The following RAD18 variants were observed in gnomAD, a reference collection of about 807,000 sequenced individuals.
The protein encoded by RAD18 is RAD18 E3 ubiquitin protein ligase, also known as E3 ubiquitin-protein ligase RAD18.
RAD18 carries 47 observed loss-of-function variants against 60.4 expected under a neutral mutation model. The ratio of observed to expected loss-of-function variants is 0.78; its 90% CI spans 0.62 to 0.99. The LOEUF (loss-of-function observed/expected upper bound fraction) is 0.99, where lower values mean the gene tolerates loss of function less well. Ranked by LOEUF, RAD18 falls within the 50% of genes least tolerant of loss-of-function variation. The probability of loss-of-function intolerance (pLI) is 0.00; values close to 1 mark genes in which losing one functional copy is unlikely to be tolerated. For missense variants in RAD18, 640 were observed against 593.3 expected, an observed-to-expected ratio of 1.08 and a Z score of -0.82; for synonymous variants, 225 against 195.5, an observed-to-expected ratio of 1.15 and a Z score of -1.26.
chr3:8,887,205 C>T (rs536200122), intron 12 of RAD18, among the ~76,000 whole-genome samples: 1 of 152,316 alleles, frequency 6.6e-6, no homozygotes, highest in East Asian at 1.9e-4. Flanking sequence ...GTGGAGTTCA[C>T]TAATCTGTAG....
At chr3:8,959,027 A>G (rs1212611943) in intron 1 of RAD18, 26 bp from the exon 2 acceptor site, 4 of 1,587,122 alleles carry the variant, frequency 2.5e-6, no homozygotes, top group Middle Eastern at 1.7e-4. Flanking sequence ...GCATATATAC[A>G]TATCAGAAAG....
chr3:8,909,879 AT>A (rs2125053908), intron 9 of RAD18, among the ~76,000 whole-genome samples: 1 of 152,338 alleles, frequency 6.6e-6, no homozygotes, highest in East Asian at 1.9e-4. Flanking sequence ...AAGTTTACAA[AT>A]TCGTTTTGGG....
intron 10 of RAD18, among the ~76,000 whole-genome samples, chr3:8,901,982 A>C (rs1166923851): frequency 6.6e-6 from 1 of 152,242 alleles, no homozygotes; most frequent in East Asian, 1.9e-4. Flanking sequence ...TTAGCCTACC[A>C]GGTATGTTAA....
chr3:8,960,675 T>A (rs994780524), intron 1 of RAD18, among the ~76,000 whole-genome samples: 2 of 152,206 alleles, frequency 1.3e-5, no homozygotes, highest in Non-Finnish European at 2.9e-5. Context: ...GTCCACAGCA[T>A]CAGTATCCCA....
chr3:8,946,688 C>T (rs993773698), intron 4 of RAD18, among the ~76,000 whole-genome samples: 1 of 152,166 alleles, frequency 6.6e-6, no homozygotes, highest in Non-Finnish European at 1.5e-5. Context: ...TTAATACATG[C>T]TGAATAAATC....
In RAD18 at chr3:8,939,762, C is replaced by T. The variant is rs561194756; in HGVS notation, c.605-109G>A. On this transcript the variant is annotated intron_variant, in intron 5 of 12. Coordinates refer to ENST00000264926, the MANE Select transcript of RAD18 (RefSeq NM_020165.4). The stretch of plus-strand genomic sequence containing the variant: ...AAAGTAAAAAAGAATCCCAACTTAA[C>T]ATGCACTTAGAAAAGCAGAAAAGAA... 95 of 876,670 alleles carry T rather than the reference C, an allele frequency of 1.1e-4. No individual in the cohort carries two copies. The African/African-American group carries it at 1.5e-3, about 14-fold the overall frequency. 54.3% of individuals were successfully genotyped at this position (876,670 alleles called of 1,614,324 possible).
At chr3:8,911,554 T>C (rs1350087879) in intron 9 of RAD18, among the ~76,000 whole-genome samples, 2 of 152,134 alleles carry the variant, frequency 1.3e-5, no homozygotes, top group Non-Finnish European at 2.9e-5. Flanking sequence ...TAGGGTCCTT[T>C]TCCTACTCTA....
chr3:8,944,656 G>A (rs1191798427), intron 4 of RAD18, among the ~76,000 whole-genome samples: 3 of 147,320 alleles, frequency 2.0e-5, no homozygotes, highest in Non-Finnish European at 4.5e-5. Flanking sequence ...GGAAAGCAGA[G>A]AGGGAGGGAG....
Position 8,933,883 on chromosome 3 carries a change from G to T in RAD18, c.889+1988C>A, listed in dbSNP as rs145562947. Among the ~76,000 whole-genome samples, 504 of 152,274 alleles carry T rather than the reference G, an allele frequency of 3.3e-3. 2 individuals are homozygous for T. Among genetic ancestry groups the T allele is most frequent in the Non-Finnish European group, 5.0e-3 (339 of 68,028 alleles). On this transcript the variant is annotated intron_variant, in intron 7 of 12. Transcript: ENST00000264926. ...ACTGGAAGAACTATATTACCAGACAGCAAGACCTATTATAAATTACTCATA... is the reference window on the plus strand; with the variant it reads ...ACTGGAAGAACTATATTACCAGACATCAAGACCTATTATAAATTACTCATA...
chr3:8,932,835 T>C (rs679942), intron 7 of RAD18, among the ~76,000 whole-genome samples: 83,634 of 152,094 alleles, frequency 0.55, 26,537 homozygotes, highest in Middle Eastern at 0.72. Context: ...CGGGGGCTCA[T>C]GCCTGTAATC....
chr3:8,940,446 A>G (rs557208800), intron 5 of RAD18, among the ~76,000 whole-genome samples: 4 of 152,232 alleles, frequency 2.6e-5, no homozygotes, highest in Non-Finnish European at 2.9e-5. Flanking sequence ...AGTAGAAAAT[A>G]TAAGTGAAAT....
intron 9 of RAD18, among the ~76,000 whole-genome samples, chr3:8,907,126 T>C (rs550330804): frequency 6.6e-6 from 1 of 152,348 alleles, no homozygotes; most frequent in Non-Finnish European, 1.5e-5. Context: ...TCTCCTTAAC[T>C]TAGAGTCTCC....
chr3:8,957,033 T>C (rs111317386), intron 2 of RAD18, among the ~76,000 whole-genome samples: 2,988 of 152,306 alleles, frequency 0.02, 87 homozygotes, highest in African/African-American at 0.067. Context: ...AATGACATGA[T>C]TGTGTATGCA....
At chr3:8,955,468 G>A (rs1170393561) in intron 2 of RAD18, among the ~76,000 whole-genome samples, 3 of 152,214 alleles carry the variant, frequency 2.0e-5, no homozygotes, top group African/African-American at 7.2e-5. Flanking sequence ...GACAGAGGCT[G>A]ATATAGCTCT....
At chr3:8,928,574 A>G (rs936446628) in intron 7 of RAD18, among the ~76,000 whole-genome samples, 2 of 152,292 alleles carry the variant, frequency 1.3e-5, no homozygotes, top group Non-Finnish European at 1.5e-5. Context: ...TAAACAGGCT[A>G]ACTAATCAAG....
intron 7 of RAD18, 41 bp from the exon 8 acceptor site, chr3:8,913,761 C>T (rs1041503683): frequency 1.6e-6 from 2 of 1,279,216 alleles, no homozygotes; most frequent in African/African-American, 3.0e-5. Context: ...AATCACATGT[C>T]TTTTTTAATC....
intron 7 of RAD18, among the ~76,000 whole-genome samples, chr3:8,927,029 C>G (rs951448330): frequency 1.2e-4 from 19 of 152,164 alleles, no homozygotes; most frequent in Non-Finnish European, 2.1e-4. Context: ...ACACCAAAAG[C>G]AATGGCAACA....
Position 8,939,546 on chromosome 3 carries a change from T to G in RAD18, c.704+8A>C. ...AAGTAGCTCAATGGTTCTGCTCAAC[T>G]TCCTTACCTTCTGAGGCTTTCCTTC... On this transcript the variant is annotated splice_region_variant and intron_variant, in intron 6 of 12. Coordinates refer to ENST00000264926, the MANE Select transcript of RAD18 (RefSeq NM_020165.4). 1.2e-6 allele frequency: 2 copies of G among 1,606,102 alleles called. No individual in the cohort carries two copies. The highest frequency in any genetic ancestry group is 2.2e-5 in the South Asian group (2 of 90,500).
chr3:8,903,902 T>C (rs1939957941), intron 9 of RAD18, among the ~76,000 whole-genome samples: 1 of 152,230 alleles, frequency 6.6e-6, no homozygotes, highest in African/African-American at 2.4e-5. Flanking sequence ...ATAGGGAATT[T>C]ACTGGGTGTA....
Sources: allele counts gnomAD v4.1 joint callset (sites outside exome capture counted in the v4.1 genomes callset), GRCh38; gene constraint gnomAD v4.1.1; transcripts MANE v1.5; gene names NCBI Gene and HGNC (gene_info 2026-07-23, HGNC 2026-07-21).